KLHL29: variants seen among roughly 807,000 people sequenced by gnomAD.
KLHL29 encodes the protein kelch like family member 29, also known as kelch-like protein 29.
KLHL29 carries 21 observed loss-of-function variants against 80.4 expected under a neutral mutation model. The ratio of observed to expected loss-of-function variants is 0.26; its 90% confidence interval spans 0.19 to 0.38. The LOEUF (loss-of-function observed/expected upper bound fraction) is 0.38, where lower values mean the gene tolerates loss of function less well. KLHL29 is among the 10% of genes least tolerant of loss of function. The probability of loss-of-function intolerance (pLI) is 1.00; values close to 1 mark genes in which losing one functional copy is unlikely to be tolerated. For missense variants in KLHL29, 867 were observed against 1,223.9 expected, an observed-to-expected ratio of 0.71 and a Z score of 4.35; for synonymous variants, 511 against 526.8, an observed-to-expected ratio of 0.97 and a Z score of 0.41.
At position 23,680,077 on chromosome 2, in the gene KLHL29, G is replaced by A. The variant is rs58125177; in HGVS notation, c.941-4322G>A. Among the ~76,000 whole-genome samples the A allele has an allele frequency of 2.6e-5, 4 of 152,320 alleles. No homozygotes were observed. In the South Asian group the frequency reaches 6.2e-4, roughly 24 times the overall value. On this transcript the variant is annotated intron_variant, in intron 5 of 13. Transcript: ENST00000486442. This position sits in a 1 kb window ranked among gnomAD's most constrained non-coding sequence, Gnocchi z 4.1. ...TGTGGCCAGTGGCTGTGAGGATGCA[G>A]TGTGGAGGTGGCCTGGAGGGGGACA...
At position 23,645,301 on chromosome 2, in the gene KLHL29, G is replaced by T. The variant is rs3795931; in HGVS notation, c.940+2451G>T. 2.6e-5 allele frequency among the ~76,000 whole-genome samples: 4 copies of T among 152,182 alleles called. No individual in the cohort carries two copies. The East Asian group carries it at 7.7e-4, about 29-fold the overall frequency. On this transcript the variant is annotated intron_variant, in intron 5 of 13. Coordinates refer to ENST00000486442, the MANE Select transcript of KLHL29 (RefSeq NM_052920.2). ...GAGAGTCGTGTTCCTGACAGGACCA[G>T]GTGGGCTTGGATCTGGGTCACTTTT...
At chr2:23,448,146 C>T (rs558102152) in intron 1 of KLHL29, among the ~76,000 whole-genome samples, 1 of 152,192 alleles carries the variant, frequency 6.6e-6, no homozygotes, top group East Asian at 1.9e-4. Context: ...GGAAGATCCA[C>T]AGGACGTGTG....
chr2:23,626,486 T>C (rs748706167), intron 3 of KLHL29, among the ~76,000 whole-genome samples: 2 of 152,218 alleles, frequency 1.3e-5, no homozygotes, highest in African/African-American at 2.4e-5. Context: ...ACTTAGATCT[T>C]GGCCTCAGAG....
At chr2:23,576,604 G>C (rs948502600) in intron 3 of KLHL29, among the ~76,000 whole-genome samples, 13 of 152,196 alleles carry the variant, frequency 8.5e-5, no homozygotes, top group Admixed American at 8.5e-4. Context: ...TGAGATCCCA[G>C]CAGTTCCCTC....
intron 1 of KLHL29, among the ~76,000 whole-genome samples, chr2:23,404,470 A>G (rs536756304): frequency 6.6e-6 from 1 of 152,370 alleles, no homozygotes; most frequent in East Asian, 1.9e-4. Flanking sequence ...AGATTTAAAA[A>G]AAAGAAATCC....
At chr2:23,458,860 G>A (rs1403726698) in intron 1 of KLHL29, among the ~76,000 whole-genome samples, 1 of 152,238 alleles carries the variant, frequency 6.6e-6, no homozygotes, top group Non-Finnish European at 1.5e-5. Context: ...TTGGAGCCAT[G>A]CTGTGCCTCC....
chr2:23,678,296 C>T (rs961398829), intron 5 of KLHL29, among the ~76,000 whole-genome samples: 3 of 152,184 alleles, frequency 2.0e-5, no homozygotes, highest in Non-Finnish European at 4.4e-5. Flanking sequence ...TTTACACTCA[C>T]CACTTAGAAC....
rs1053299090 is a variant in KLHL29 at position 23,412,131 on chromosome 2, G to C, written c.-154+26351G>C. 7.8e-4 allele frequency among the ~76,000 whole-genome samples: 115 copies of C among 147,232 alleles called. 5 individuals carry two copies. Among genetic ancestry groups the C allele is most frequent in the Non-Finnish European group, 1.3e-3 (85 of 66,364 alleles). On this transcript the variant is annotated intron_variant, in intron 1 of 13. Coordinates refer to ENST00000486442, the MANE Select transcript of KLHL29 (RefSeq NM_052920.2). ...AAATGTGTGTGCGTGAAGGGGGGGG[G>C]GGGGCGGTGCGGTAGAGGTAGGATG...
At chr2:23,450,680 G>T (rs1663851894) in intron 1 of KLHL29, among the ~76,000 whole-genome samples, 1 of 152,048 alleles carries the variant, frequency 6.6e-6, no homozygotes, top group Non-Finnish European at 1.5e-5. Flanking sequence ...TGTATCCTCT[G>T]GTTTGTTTCT....
chr2:23,403,447 C>G (rs1246987408), intron 1 of KLHL29, among the ~76,000 whole-genome samples: 1 of 152,294 alleles, frequency 6.6e-6, no homozygotes, highest in Non-Finnish European at 1.5e-5. Context: ...GGATTCTCTT[C>G]CATGCTGGGG....
intron 2 of KLHL29, among the ~76,000 whole-genome samples, chr2:23,515,426 G>C (rs544635431): frequency 1.3e-5 from 2 of 152,288 alleles, no homozygotes; most frequent in Admixed American, 1.3e-4. Flanking sequence ...TCTTCACCTG[G>C]CTTCCCCTCT....
chr2:23,491,902 C>G (rs1572354285), intron 2 of KLHL29, among the ~76,000 whole-genome samples: 2 of 152,178 alleles, frequency 1.3e-5, no homozygotes, highest in African/African-American at 4.8e-5. Flanking sequence ...CTCGCCTCCA[C>G]GTACTACAGG....
intron 1 of KLHL29, among the ~76,000 whole-genome samples, chr2:23,447,573 C>T (rs908853973): frequency 2.0e-5 from 3 of 152,208 alleles, no homozygotes; most frequent in Admixed American, 6.5e-5. Flanking sequence ...ATCTTCCTAA[C>T]GCTGATAATG....
rs1333018182 is a variant in KLHL29, at chr2:23,708,130, C to T, written c.*1466C>T. On this transcript the variant is annotated 3_prime_UTR_variant, in exon 14 of 14. Coordinates refer to ENST00000486442, the MANE Select transcript of KLHL29 (RefSeq NM_052920.2). ...GAAAAAGACAGGACACGCTTTCCAT[C>T]GTTCAGTATTTGATGACACAAAATT... is the stretch of plus-strand genomic sequence containing the variant. The T allele has an allele frequency of 6.6e-6, 1 of 152,226 alleles. No homozygotes were observed. The highest frequency in any genetic ancestry group is 2.4e-5 in the African/African-American group (1 of 41,450). The allele number at this position is 152,226 out of a possible 1,614,324, so 9.4% of individuals were successfully genotyped here. A position where few individuals can be genotyped will look rare whatever the true frequency, so the allele number is the denominator to read the frequency against.
At chr2:23,611,121 CA>C (rs1668860932) in intron 3 of KLHL29, among the ~76,000 whole-genome samples, 1 of 152,088 alleles carries the variant, frequency 6.6e-6, no homozygotes, top group South Asian at 2.1e-4. Context: ...GTTAGAAAAG[CA>C]GGTAGTGTCT....
At chr2:23,489,701 C>T (rs535399216) in intron 2 of KLHL29, among the ~76,000 whole-genome samples, 9 of 151,920 alleles carry the variant, frequency 5.9e-5, no homozygotes, top group African/African-American at 1.9e-4. Context: ...CACTAGATGG[C>T]CCCGAGTGAA....
intron 2 of KLHL29, among the ~76,000 whole-genome samples, chr2:23,545,638 C>T (rs72793565): frequency 0.22 from 33,184 of 152,214 alleles, 4,603 homozygotes; most frequent in Middle Eastern, 0.31. Context: ...ATTTGCCAGG[C>T]ACTTCCTCTA....
At chr2:23,501,685 T>C (rs1309274003) in intron 2 of KLHL29, among the ~76,000 whole-genome samples, 3 of 152,228 alleles carry the variant, frequency 2.0e-5, no homozygotes, top group Non-Finnish European at 4.4e-5. Flanking sequence ...AACTCATTAA[T>C]CTAGATTTTG....
At chr2:23,518,432 G>GA (rs1666004229) in intron 2 of KLHL29, among the ~76,000 whole-genome samples, 1 of 152,190 alleles carries the variant, frequency 6.6e-6, no homozygotes, top group Non-Finnish European at 1.5e-5. Flanking sequence ...AGAGAGGGGG[G>GA]ATCTTCCCTT....
Sources: gnomAD v4.1 joint callset for allele counts (sites outside exome capture counted in the v4.1 genomes callset) on GRCh38, gnomAD v4.1.1 for gene constraint, Gnocchi (gnomAD v3.1) non-coding constraint, MANE v1.5 for transcripts, NCBI Gene and HGNC (gene_info 2026-07-23, HGNC 2026-07-21) for gene names.